The following CDK5RAP2 variants were observed in gnomAD, a reference collection of about 807,000 sequenced individuals.
CDK5RAP2 encodes the protein CDK5 regulatory subunit associated protein 2.
A neutral mutation model predicts 232.9 loss-of-function variants in CDK5RAP2; 147 were observed. That is an observed-to-expected ratio of 0.63 (90% CI 0.55 to 0.72). CDK5RAP2 has a LOEUF of 0.72. Ranked by LOEUF, CDK5RAP2 falls within the 30% of genes least tolerant of loss-of-function variation. The pLI is 0.00. For synonymous variants in CDK5RAP2, 833 were observed against 833.7 expected, an observed-to-expected ratio of 1.00 and a Z score of 0.01; for missense variants, 2,195 against 2,231.5, an observed-to-expected ratio of 0.98 and a Z score of 0.33.
chr9:120,572,312 G>C (rs2042883594), intron 1 of CDK5RAP2, among the ~76,000 whole-genome samples: 2 of 152,176 alleles, frequency 1.3e-5, no homozygotes. Flanking sequence ...TAGTGGCAGA[G>C]GCACTGTGAC....
At chr9:120,577,499 T>C (rs142453771) in intron 1 of CDK5RAP2, among the ~76,000 whole-genome samples, 38 of 152,276 alleles carry the variant, frequency 2.5e-4, no homozygotes, top group African/African-American at 8.4e-4. Flanking sequence ...CGAAGATAGA[T>C]AGTGGTGACC....
At chr9:120,460,703 C>G in intron 18 of CDK5RAP2, 36 bp from the exon 19 acceptor site, 3 of 1,612,234 alleles carry the variant, frequency 1.9e-6, no homozygotes, top group East Asian at 4.5e-5. Flanking sequence ...AAATGCAACC[C>G]AAAAAAGTGT....
At chr9:120,477,080 ATAAAG>A (rs1056923119) in intron 15 of CDK5RAP2, among the ~76,000 whole-genome samples, 2 of 152,332 alleles carry the variant, frequency 1.3e-5, no homozygotes, top group East Asian at 1.9e-4. Flanking sequence ...TAAATATATA[ATAAAG>A]TATTTTTAAA....
In CDK5RAP2 at chr9:120,518,436, G is replaced by A. The variant is rs1003840874; in HGVS notation, c.1302C>T (p.Cys434=). Reference sequence around the variant, plus strand: ...GCAGGGCGGTACTCACACGGATGGTGCAGTCTCCTTTGCTCTTCTCTCGAT... The same window carrying A: ...GCAGGGCGGTACTCACACGGATGGTACAGTCTCCTTTGCTCTTCTCTCGAT... The part of the protein sequence containing the change: ...EAHREKSKGD[C]TIRDLRNEVE... Residue 434 remains cysteine (C), a synonymous_variant, in exon 12 of 38, where the codon TGC becomes TGT. Transcript: ENST00000349780. 6.2e-7 allele frequency: 1 copy of A among 1,613,218 alleles called. No homozygotes were observed. Among genetic ancestry groups the A allele is most frequent in the Non-Finnish European group, 8.5e-7 (1 of 1,179,740 alleles).
chr9:120,501,779 A>G (rs1410417457), intron 12 of CDK5RAP2, among the ~76,000 whole-genome samples: 4 of 152,194 alleles, frequency 2.6e-5, no homozygotes, highest in African/African-American at 9.6e-5. Flanking sequence ...CCTGGGCCAC[A>G]TGGAGCAGAA....
intron 29 of CDK5RAP2, among the ~76,000 whole-genome samples, chr9:120,410,197 C>T (rs1444430965): frequency 6.6e-6 from 1 of 152,190 alleles, no homozygotes; most frequent in Non-Finnish European, 1.5e-5. Context: ...AACCAGAATT[C>T]GGACTCAGTC....
intron 14 of CDK5RAP2, among the ~76,000 whole-genome samples, chr9:120,486,363 T>C (rs1413391211): frequency 6.6e-6 from 1 of 151,196 alleles, no homozygotes; most frequent in Non-Finnish European, 1.5e-5. Flanking sequence ...ATAAGAGTTC[T>C]CTATCTTCCA....
At chr9:120,391,222 T>C (rs2031939976) in intron 36 of CDK5RAP2, among the ~76,000 whole-genome samples, 1 of 152,262 alleles carries the variant, frequency 6.6e-6, no homozygotes, top group African/African-American at 2.4e-5. Context: ...GAGCACTCCA[T>C]GTCCCTAGAG....
At chr9:120,547,388 G>C (rs1487209418) in intron 4 of CDK5RAP2, among the ~76,000 whole-genome samples, 1 of 152,024 alleles carries the variant, frequency 6.6e-6, no homozygotes, top group African/African-American at 2.4e-5. Flanking sequence ...CGGATCACTT[G>C]AGGTCAGGAG....
At chr9:120,454,768 T>A (rs902304446) in intron 20 of CDK5RAP2, among the ~76,000 whole-genome samples, 5 of 152,312 alleles carry the variant, frequency 3.3e-5, no homozygotes, top group African/African-American at 1.2e-4. Context: ...GTTGGGTAAA[T>A]GTCCCAGTCT....
chr9:120,512,629 T>G (rs2040147596), intron 12 of CDK5RAP2, among the ~76,000 whole-genome samples: 3 of 152,196 alleles, frequency 2.0e-5, no homozygotes, highest in Admixed American at 1.3e-4. Flanking sequence ...CACAGTATTC[T>G]CAACATAATT....
chr9:120,566,587 C>A (rs1482698146), intron 3 of CDK5RAP2, among the ~76,000 whole-genome samples: 2 of 152,312 alleles, frequency 1.3e-5, no homozygotes, highest in Middle Eastern at 3.4e-3. Context: ...ATGGCAAACA[C>A]ATAGAATGTA....
rs1174576522 is a variant in CDK5RAP2 at position 120,453,611 on chromosome 9, C to T, written c.2638G>A (p.Gly880Ser). The T allele has an allele frequency of 6.2e-7, 1 of 1,614,158 alleles. No homozygotes were observed. Among genetic ancestry groups the T allele is most frequent in the South Asian group, 1.1e-5 (1 of 91,082 alleles). ...DASVQTVATE[G>S]DLLRFKHEAT... is the part of the protein sequence containing the mutation. ...TCATGCTTGAATCTCAGCAGGTCGC[C>T]CTCCGTGGCCACAGTCTGCACTGAG... The change falls in exon 21 of 38, where the codon GGC (glycine) becomes AGC (serine). Residue 880 changes from glycine (G) to serine (S), a missense_variant. Coordinates refer to ENST00000349780, the MANE Select transcript of CDK5RAP2 (RefSeq NM_018249.6).
At chr9:120,484,905 T>G (rs2038514123) in intron 14 of CDK5RAP2, among the ~76,000 whole-genome samples, 1 of 150,332 alleles carries the variant, frequency 6.7e-6, no homozygotes, top group Non-Finnish European at 1.5e-5. Context: ...TTTTTTTTTG[T>G]AGATACTGGG....
chr9:120,536,740 A>G (rs1297578353), intron 6 of CDK5RAP2: 14 of 630,044 alleles, frequency 2.2e-5, no homozygotes, highest in Middle Eastern at 4.2e-4. Context: ...TTTCCAATGG[A>G]AAAGACTCAA....
rs570076778 is a variant in CDK5RAP2 at position 120,574,615 on chromosome 9, G to A, written c.60-2574C>T. Among the ~76,000 whole-genome samples the A allele has an allele frequency of 1.1e-4, 17 of 152,288 alleles. No homozygotes were observed. The South Asian group carries it at 1.9e-3, about 17-fold the overall frequency. ...TGGTGGAGTACCAGTTTCCTCACGT[G>A]CAAAATAAAGCACAATCTAAGAAAC... On this transcript the variant is annotated intron_variant, in intron 1 of 37. Coordinates refer to ENST00000349780, the MANE Select transcript of CDK5RAP2 (RefSeq NM_018249.6).
chr9:120,543,340 T>C (rs781346569), intron 5 of CDK5RAP2, among the ~76,000 whole-genome samples: 12 of 152,324 alleles, frequency 7.9e-5, no homozygotes, highest in African/African-American at 2.9e-4. Flanking sequence ...TCTGATTGTG[T>C]CACTTGCTTA....
chr9:120,482,667 A>T (rs966712221), intron 14 of CDK5RAP2, among the ~76,000 whole-genome samples: 3 of 152,230 alleles, frequency 2.0e-5, no homozygotes, highest in African/African-American at 7.2e-5. Flanking sequence ...GGCAAGCAGC[A>T]GTGTCCTGAG....
intron 19 of CDK5RAP2, among the ~76,000 whole-genome samples, chr9:120,459,851 C>CT (rs1335543432): frequency 1.3e-5 from 2 of 152,160 alleles, no homozygotes; most frequent in African/African-American, 4.8e-5. Flanking sequence ...CTTGAACACC[C>CT]TGAAGGCCAA....
Sources: gnomAD v4.1 joint callset for allele counts (sites outside exome capture counted in the v4.1 genomes callset) on GRCh38, gnomAD v4.1.1 for gene constraint, MANE v1.5 for transcripts, NCBI Gene and HGNC (gene_info 2026-07-23, HGNC 2026-07-21) for gene names.